Variants in KIF13A observed in about 807,000 individuals in gnomAD.
KIF13A encodes kinesin-like protein KIF13A.
In KIF13A, 79 loss-of-function variants were observed where a neutral mutation model predicts 212.2. That is an observed-to-expected ratio of 0.37 (90% CI 0.31 to 0.45). The LOEUF (loss-of-function observed/expected upper bound fraction) is 0.45, where lower values mean the gene tolerates loss of function less well. Ranked by LOEUF, KIF13A falls within the 20% of genes least tolerant of loss-of-function variation. The pLI, the probability that KIF13A is intolerant of heterozygous loss-of-function variation, is 1.00. For missense variants in KIF13A, 1,901 were observed against 2,209.0 expected (o/e 0.86, Z 2.79); for synonymous variants, 789 against 808.6 (o/e 0.98, Z 0.41).
Position 17,862,820 on chromosome 6 carries a change from T to C in KIF13A, c.221-6698A>G, listed in dbSNP as rs920506211. 5.7e-4 allele frequency among the ~76,000 whole-genome samples: 87 copies of C among 151,948 alleles called. 1 individual carries two copies. Among genetic ancestry groups the C allele is most frequent in the Non-Finnish European group, 2.6e-4 (18 of 67,950 alleles). ...AAAATTAGCTGGGCATGGTGGCGGG[T>C]GCCTGTAGTCCCAGCTACTCGGGAG... On this transcript the variant is annotated intron_variant, in intron 4 of 38. Coordinates refer to ENST00000259711, the MANE Select transcript of KIF13A (RefSeq NM_022113.6).
In KIF13A at chr6:17,776,848, A is replaced by G. The variant is rs1262052365; in HGVS notation, c.4170+429T>C. Reference sequence around the variant, plus strand: ...AACGAAAATGGTCAAAGGAACAACTAGGGACTCCAAGAGTGCCTACATGCA... The same window carrying G: ...AACGAAAATGGTCAAAGGAACAACTGGGGACTCCAAGAGTGCCTACATGCA... On this transcript the variant is annotated intron_variant, in intron 34 of 38. Transcript: ENST00000259711. The surrounding 1 kb of genome is among the most constrained non-coding windows in gnomAD (Gnocchi z 4.6). Among the ~76,000 whole-genome samples the G allele has an allele frequency of 6.6e-6, 1 of 152,168 alleles. No homozygotes were observed. The highest frequency in any genetic ancestry group is 1.9e-4 in the East Asian group (1 of 5,196).
chr6:17,954,404 T>A (rs1442703002), intron 2 of KIF13A, among the ~76,000 whole-genome samples: 2 of 152,120 alleles, frequency 1.3e-5, no homozygotes, highest in East Asian at 1.9e-4. Context: ...AGTAGGTGAT[T>A]GAAGGTTTTC....
At position 17,808,861 on chromosome 6, in the gene KIF13A, C is replaced by G; in HGVS notation, c.2070G>C (p.Arg690Ser). The part of the protein sequence containing the change: ...EQLVKANTLV[R>S]EANFLAEEMS... ...TTTCCTCAGCCAGGAAGTTTGCTTC[C>G]CTCACCAAGGTATTAGCTTTAACCA... Residue 690 changes from arginine (R) to serine (S), a missense_variant, in exon 18 of 39, where the codon AGG (arginine) becomes AGC (serine). Physicochemically the swap from Arg to Ser is moderately radical, Grantham distance 110. This residue lies in a region of KIF13A where 534 missense variants were observed against 536.9 expected (regional missense o/e 0.99). Transcript: ENST00000259711. 3.1e-6 allele frequency: 5 copies of G among 1,613,720 alleles called. No homozygotes were observed. Among genetic ancestry groups the G allele is most frequent in the Non-Finnish European group, 4.2e-6 (5 of 1,179,790 alleles).
Position 17,817,161 on chromosome 6 carries a change from T to G in KIF13A, c.1859A>C (p.Gln620Pro). The change falls in exon 17 of 39, where the codon CAG (glutamine) becomes CCG (proline). Residue 620 changes from glutamine (Q) to proline (P), a missense_variant. Transcript: ENST00000259711. ...LEEKRSALEE[Q>P]RLMYERELEQ... ...CAGTTCCCGCTCATACATGAGCCGC[T>G]GCTCCTCTAGGGCACTTCTCTTTTC... 1 of 1,614,068 alleles carries G rather than the reference T, an allele frequency of 6.2e-7. No homozygotes were observed. The highest frequency in any genetic ancestry group is 8.5e-7 in the Non-Finnish European group (1 of 1,179,892).
chr6:17,817,153 T>C lies in KIF13A; in HGVS notation c.1867A>G (p.Met623Val). ...AGTTGCTCCAGTTCCCGCTCATACA[T>C]GAGCCGCTGCTCCTCTAGGGCACTT... Reference protein sequence around the residue: ...KRSALEEQRLMYERELEQLRQ... With the variant: ...KRSALEEQRLVYERELEQLRQ... The change falls in exon 17 of 39, where the codon ATG becomes GTG. Residue 623 changes from methionine to valine, a missense_variant. Physicochemically the swap from Met to Val is conservative, Grantham distance 21 (BLOSUM62 1). Transcript: ENST00000259711. The C allele has an allele frequency of 6.2e-7, 1 of 1,614,082 alleles. No homozygotes were observed. Among genetic ancestry groups the C allele is most frequent in the Non-Finnish European group, 8.5e-7 (1 of 1,179,902 alleles).
Position 17,837,123 on chromosome 6 carries a change from C to T in KIF13A, c.943-33G>A, listed in dbSNP as rs1003888519. ...GTATTTCAAACAGCATCTTAGGAAG[C>T]CCATTCCATGGACAACACATATGAT... On this transcript the variant is annotated intron_variant, in intron 10 of 38. Coordinates refer to ENST00000259711, the MANE Select transcript of KIF13A (RefSeq NM_022113.6). The surrounding 1 kb of genome is among the most constrained non-coding windows in gnomAD (Gnocchi z 5.4). 2.5e-6 allele frequency: 4 copies of T among 1,577,178 alleles called. No individual in the cohort carries two copies. Among genetic ancestry groups the T allele is most frequent in the Non-Finnish European group, 3.5e-6 (4 of 1,147,624 alleles).
Position 17,829,091 on chromosome 6 carries a change from G to T in KIF13A, c.1402-721C>A, listed in dbSNP as rs565443102. On this transcript the variant is annotated intron_variant, in intron 13 of 38. Coordinates refer to ENST00000259711, the MANE Select transcript of KIF13A (RefSeq NM_022113.6). This position sits in a 1 kb window ranked among gnomAD's most constrained non-coding sequence, Gnocchi z 5.4. ...GCCTCCTGAGTAGTTGGGATTACAG[G>T]TATGCGCCACCACGTCTGGCTAATT... 1.7e-4 allele frequency among the ~76,000 whole-genome samples: 26 copies of T among 152,184 alleles called. No homozygotes were observed. The highest frequency in any genetic ancestry group is 6.0e-4 in the African/African-American group (25 of 41,516).
intron 17 of KIF13A, chr6:17,812,592 G>C (rs1763524607): frequency 1.3e-5 from 2 of 152,158 alleles, no homozygotes; most frequent in African/African-American, 4.8e-5. Flanking sequence ...TGGACATTTA[G>C]GTTGATTCCA....
Position 17,764,822 on chromosome 6 carries a change from C to A in KIF13A, c.4706G>T (p.Trp1569Leu). 6.2e-7 allele frequency: 1 copy of A among 1,613,606 alleles called. No homozygotes were observed. The highest frequency in any genetic ancestry group is 8.5e-7 in the Non-Finnish European group (1 of 1,179,702). Residue 1569 changes from tryptophan to leucine, a missense_variant, in exon 39 of 39, where the codon TGG becomes TTG. Transcript: ENST00000259711. This position sits in a 1 kb window ranked among gnomAD's most constrained non-coding sequence, Gnocchi z 5.1. ...TGACAGATCTACTTTAGAGGAAAAC[C>A]ATTCCCTGTTCTCCAAGCTGGCATT... ...VYNASLENRE[W>L]FSSKVDLSNS...
intron 3 of KIF13A, among the ~76,000 whole-genome samples, chr6:17,878,749 A>G (rs909425121): frequency 6.6e-6 from 1 of 152,236 alleles, no homozygotes; most frequent in Non-Finnish European, 1.5e-5. Flanking sequence ...TCAAAGAGTT[A>G]ATCATTTAAA....
At chr6:17,943,915 G>A (rs897734590) in intron 2 of KIF13A, among the ~76,000 whole-genome samples, 1 of 152,124 alleles carries the variant, frequency 6.6e-6, no homozygotes, top group African/African-American at 2.4e-5. Flanking sequence ...ATGGAGATCA[G>A]TTCAGAAAGC....
intron 35 of KIF13A, 35 bp downstream of exon 35, chr6:17,774,980 C>G: frequency 2.6e-6 from 4 of 1,562,072 alleles, no homozygotes; most frequent in Non-Finnish European, 3.5e-6. Flanking sequence ...GACTAAGATT[C>G]TACTAAAAAC....
chr6:17,846,818 T>C (rs988517211), intron 9 of KIF13A, among the ~76,000 whole-genome samples: 1 of 152,182 alleles, frequency 6.6e-6, no homozygotes, highest in African/African-American at 2.4e-5. Flanking sequence ...GGGACAAAAG[T>C]ATCATCTAGA....
intron 20 of KIF13A, among the ~76,000 whole-genome samples, chr6:17,800,805 T>C (rs974870832): frequency 6.6e-6 from 1 of 151,974 alleles, no homozygotes; most frequent in African/African-American, 2.4e-5. Context: ...TTCACTGTGT[T>C]GGCCAGGCTG....
At chr6:17,866,647 C>T (rs115248885) in intron 4 of KIF13A, among the ~76,000 whole-genome samples, 151 of 151,856 alleles carry the variant, frequency 9.9e-4, no homozygotes, top group African/African-American at 3.5e-3. Flanking sequence ...GGATTCAATG[C>T]TCAGGGTTGT....
intron 4 of KIF13A, among the ~76,000 whole-genome samples, chr6:17,869,183 G>A (rs1769771187): frequency 6.6e-6 from 1 of 151,966 alleles, no homozygotes; most frequent in Non-Finnish European, 1.5e-5. Context: ...GAGGGGATCT[G>A]AGATCATTCC....
In KIF13A at chr6:17,947,714, G is replaced by A. The variant is rs1777525685; in HGVS notation, c.146+39340C>T. On this transcript the variant is annotated intron_variant, in intron 2 of 38. Transcript: ENST00000259711. The surrounding 1 kb of genome is among the most constrained non-coding windows in gnomAD (Gnocchi z 4.6). ...AAATTAGCCAGGCATGGTGGCGGGT[G>A]CCTGTAATCCCAGCTACTCAAGAGG... 1.3e-5 allele frequency among the ~76,000 whole-genome samples: 2 copies of A among 152,102 alleles called. No homozygotes were observed.
chr6:17,868,128 T>A (rs370622120), intron 4 of KIF13A, among the ~76,000 whole-genome samples: 1 of 152,268 alleles, frequency 6.6e-6, no homozygotes, highest in Non-Finnish European at 1.5e-5. Flanking sequence ...AGAACTGTTA[T>A]ATAATTTCTG....
intron 16 of KIF13A, among the ~76,000 whole-genome samples, chr6:17,819,420 A>C (rs1764240766): frequency 6.6e-6 from 1 of 151,960 alleles, no homozygotes; most frequent in Admixed American, 6.6e-5. Flanking sequence ...AAAACTAGTC[A>C]GGCGTGGTGG....
Sources: gnomAD v4.1 joint callset for allele counts (sites outside exome capture counted in the v4.1 genomes callset) on GRCh38, gnomAD v4.1.1 for gene constraint, gnomAD v4.1.1 regional missense constraint, Gnocchi (gnomAD v3.1) non-coding constraint, MANE v1.5 for transcripts, NCBI Gene and HGNC (gene_info 2026-07-23, HGNC 2026-07-21) for gene names.